Variants in ARID5B observed in about 807,000 individuals in gnomAD.
ARID5B encodes the protein AT-rich interactive domain-containing protein 5B.
Under a neutral mutation model 97.2 loss-of-function variants are expected in ARID5B, and 13 were observed. That is an observed-to-expected ratio of 0.13 (90% confidence interval 0.09 to 0.21). ARID5B has a LOEUF of 0.21. ARID5B is among the 10% of genes least tolerant of loss of function. The probability of loss-of-function intolerance (pLI) is 1.00; values close to 1 mark genes in which losing one functional copy is unlikely to be tolerated. For synonymous variants in ARID5B, 556 were observed against 570.3 expected (o/e 0.97, Z 0.36); for missense variants, 1,210 against 1,465.3 (o/e 0.83, Z 2.84).
chr10:61,927,712 C>G (rs4948489), intron 2 of ARID5B, among the ~76,000 whole-genome samples: 128,511 of 152,258 alleles, frequency 0.84, 54,411 homozygotes, highest in African/African-American at 0.89. Context: ...AGTCCCAGTT[C>G]AGGGACCAAC....
At chr10:61,949,579 G>T (rs1412445543) in intron 3 of ARID5B, among the ~76,000 whole-genome samples, 2 of 152,186 alleles carry the variant, frequency 1.3e-5, no homozygotes, top group African/African-American at 4.8e-5. Flanking sequence ...GGAGGTTGCA[G>T]TGAGTCAAGA....
chr10:61,910,095 A>T (rs1843776775), intron 2 of ARID5B, among the ~76,000 whole-genome samples: 1 of 152,226 alleles, frequency 6.6e-6, no homozygotes, highest in Non-Finnish European at 1.5e-5. Flanking sequence ...CACATGTTTG[A>T]TAGTGCCTCA....
At chr10:61,973,799 C>T (rs1297987806) in intron 3 of ARID5B, among the ~76,000 whole-genome samples, 2 of 152,098 alleles carry the variant, frequency 1.3e-5, no homozygotes, top group Admixed American at 6.6e-5. Flanking sequence ...TTTTCTTTTC[C>T]ACATCAAGAC....
chr10:61,909,864 CA>C (rs1843773421), intron 2 of ARID5B, among the ~76,000 whole-genome samples: 1 of 152,132 alleles, frequency 6.6e-6, no homozygotes, highest in Non-Finnish European at 1.5e-5. Flanking sequence ...GGGCACTCAC[CA>C]AAGAAACAAG....
At position 62,092,932 on chromosome 10, in the gene ARID5B, C is replaced by G; in HGVS notation, c.3469C>G (p.Leu1157Val). 6.2e-7 allele frequency: 1 copy of G among 1,614,212 alleles called. No individual in the cohort carries two copies. Among genetic ancestry groups the G allele is most frequent in the South Asian group, 1.1e-5 (1 of 91,088 alleles). ...ACCTGTAGGAAGTTCATATGGGGAC[C>G]TTTTGCATAACAGCATTTACCCTTT... ...ATPVGSSYGD[L>V]LHNSIYPLAA... Residue 1157 changes from leucine to valine, a missense_variant, in exon 10 of 10, where the codon CTT becomes GTT. By Grantham distance (32) the Leu-to-Val change is conservative (BLOSUM62 1). Transcript: ENST00000279873.
intron 2 of ARID5B, among the ~76,000 whole-genome samples, chr10:61,909,318 G>GGTT (rs1843759779): frequency 3.9e-5 from 3 of 77,260 alleles, no homozygotes; most frequent in African/African-American, 1.6e-4. Context: ...TATTCAGTGA[G>GGTT]TTTTTTTTTT....
At chr10:61,978,726 G>A (rs1324010068) in intron 3 of ARID5B, among the ~76,000 whole-genome samples, 15 of 152,102 alleles carry the variant, frequency 9.9e-5, no homozygotes, top group African/African-American at 3.4e-4. Context: ...CTGAGACTTC[G>A]CTGAAGTTGC....
chr10:62,065,329 C>T (rs1229457389), intron 7 of ARID5B, among the ~76,000 whole-genome samples: 1 of 152,112 alleles, frequency 6.6e-6, no homozygotes, highest in Non-Finnish European at 1.5e-5. Flanking sequence ...AATTATGAAC[C>T]TTGAAAGCAG....
chr10:61,903,433 C>T (rs972378961), intron 2 of ARID5B, among the ~76,000 whole-genome samples: 6 of 152,200 alleles, frequency 3.9e-5, no homozygotes, highest in Admixed American at 6.5e-5. Flanking sequence ...TGCGGGCTCC[C>T]CTCCTCAGCT....
intron 4 of ARID5B, among the ~76,000 whole-genome samples, chr10:62,032,164 A>T (rs899945358): frequency 5.3e-5 from 8 of 152,118 alleles, no homozygotes; most frequent in Non-Finnish European, 1.0e-4. Context: ...ATATAAAAAT[A>T]AAAAAGTAGT....
chr10:61,974,384 G>A (rs917951971), intron 3 of ARID5B, among the ~76,000 whole-genome samples: 1 of 152,056 alleles, frequency 6.6e-6, no homozygotes, highest in African/African-American at 2.4e-5. Context: ...ATTTTAAGTG[G>A]GGGACAGAGA....
At chr10:62,064,722 C>T (rs1167430623) in intron 7 of ARID5B, among the ~76,000 whole-genome samples, 2 of 151,750 alleles carry the variant, frequency 1.3e-5, no homozygotes, top group East Asian at 3.9e-4. Flanking sequence ...CTTTAAAACG[C>T]TACCTGGGTT....
Position 62,093,182 on chromosome 10 carries a change from A to T in ARID5B, c.*152A>T, listed in dbSNP as rs1840411867. The T allele has an allele frequency of 2.5e-6, 3 of 1,207,262 alleles. No homozygotes were observed. The highest frequency in any genetic ancestry group is 2.9e-5 in the Admixed American group (1 of 34,134). 74.8% of individuals were successfully genotyped at this position (1,207,262 alleles called of 1,614,324 possible). A position where few individuals can be genotyped will look rare whatever the true frequency, so the allele number is the denominator to read the frequency against. On this transcript the variant is annotated 3_prime_UTR_variant, in exon 10 of 10. Transcript: ENST00000279873. ...GTAGGGGCCCAGAGGGGAGGTGAAC[A>T]TGCCTGATTTTTGTGGGACAACTCT...
At chr10:61,948,561 C>A (rs1409620067) in intron 3 of ARID5B, among the ~76,000 whole-genome samples, 1 of 151,882 alleles carries the variant, frequency 6.6e-6, no homozygotes, top group Non-Finnish European at 1.5e-5. Flanking sequence ...AGAGACGGGG[C>A]TTCATCGTGT....
At chr10:61,951,781 A>AT (rs1838327368) in intron 3 of ARID5B, among the ~76,000 whole-genome samples, 1 of 152,214 alleles carries the variant, frequency 6.6e-6, no homozygotes, top group Non-Finnish European at 1.5e-5. Context: ...ATTTATATGG[A>AT]TATTATTTTT....
At chr10:62,059,759 G>A (rs1012800397) in intron 7 of ARID5B, among the ~76,000 whole-genome samples, 1 of 152,174 alleles carries the variant, frequency 6.6e-6, no homozygotes, top group Non-Finnish European at 1.5e-5. Flanking sequence ...AGCTTTATTA[G>A]ACAAGGGTCA....
chr10:61,922,224 C>T (rs1242028961), intron 2 of ARID5B, among the ~76,000 whole-genome samples: 1 of 152,152 alleles, frequency 6.6e-6, no homozygotes, highest in Non-Finnish European at 1.5e-5. Context: ...GGCATTGTGT[C>T]TGGTTAGATG....
At chr10:61,932,694 T>C (rs1225348562) in intron 2 of ARID5B, among the ~76,000 whole-genome samples, 1 of 152,186 alleles carries the variant, frequency 6.6e-6, no homozygotes, top group Non-Finnish European at 1.5e-5. Flanking sequence ...TACTCTGTAG[T>C]ATGCAGTGCT....
chr10:62,038,232 T>A (rs1315975450), intron 4 of ARID5B, among the ~76,000 whole-genome samples: 1 of 152,154 alleles, frequency 6.6e-6, no homozygotes, highest in Non-Finnish European at 1.5e-5. Flanking sequence ...CCCAATTGGG[T>A]AACTGACTAT....
Sources: allele counts gnomAD v4.1 joint callset (sites outside exome capture counted in the v4.1 genomes callset), GRCh38; gene constraint gnomAD v4.1.1; transcripts MANE v1.5; gene names NCBI Gene and HGNC (gene_info 2026-07-23, HGNC 2026-07-21).